Variants in NSMF observed in about 807,000 individuals in gnomAD.
NSMF encodes the protein nasal embryonic LHRH factor.
In NSMF, 31 loss-of-function variants were observed where a neutral mutation model predicts 71.0. That is an observed-to-expected ratio of 0.44 (90% CI 0.33 to 0.59). The LOEUF (loss-of-function observed/expected upper bound fraction) is 0.59, where lower values mean the gene tolerates loss of function less well. Ranked by LOEUF, NSMF falls within the 20% of genes least tolerant of loss-of-function variation. NSMF has a pLI of 0.04. For synonymous variants in NSMF, 345 were observed against 287.1 expected (o/e 1.20, Z -2.04); for missense variants, 673 against 740.5 (o/e 0.91, Z 1.06).
At position 137,459,081 on chromosome 9, in the gene NSMF, T is replaced by G. The variant is rs915747302; in HGVS notation, c.22A>C (p.Arg8=). 2.4e-6 allele frequency: 3 copies of G among 1,225,142 alleles called. No homozygotes were observed. Among genetic ancestry groups the G allele is most frequent in the Non-Finnish European group, 3.1e-6 (3 of 977,548 alleles). The allele number at this position is 1,225,142 out of a possible 1,614,324, so 75.9% of individuals were successfully genotyped here. A position where few individuals can be genotyped will look rare whatever the true frequency, so the allele number is the denominator to read the frequency against. Residue 8 remains arginine, a synonymous_variant, in exon 1 of 16, where the codon AGG becomes CGG. Coordinates refer to ENST00000371475, the MANE Select transcript of NSMF (RefSeq NM_001130969.3). ...ATGGCCTCGCTCCTCAGCGCCCTCC[T>G]CCTGGAGGCGGCGGCGCCCATGGTC... MGAAASR[R]RALRSEAMSS...
At chr9:137,458,122 G>A (rs910673559) in intron 2 of NSMF, among the ~76,000 whole-genome samples, 7 of 152,188 alleles carry the variant, frequency 4.6e-5, no homozygotes, top group Admixed American at 6.5e-5. Context: ...TGCTACCTGT[G>A]TGCGGTCCTG....
Position 137,449,275 on chromosome 9 carries a change from C to T in NSMF, c.*119G>A. On this transcript the variant is annotated 3_prime_UTR_variant, in exon 16 of 16. Coordinates refer to ENST00000371475, the MANE Select transcript of NSMF (RefSeq NM_001130969.3). Reference sequence around the variant, plus strand: ...GAACCTGAGCAACGTCTGAGGTGCCCTGAAGTGGCTCCAGGCGAGACCGGA... The same window carrying T: ...GAACCTGAGCAACGTCTGAGGTGCCTTGAAGTGGCTCCAGGCGAGACCGGA... The T allele has an allele frequency of 1.2e-6, 1 of 837,952 alleles. No individual in the cohort carries two copies. The highest frequency in any genetic ancestry group is 2.0e-6 in the Non-Finnish European group (1 of 507,700). 51.9% of individuals were successfully genotyped at this position (837,952 alleles called of 1,614,324 possible). A position where few individuals can be genotyped will look rare whatever the true frequency, so the allele number is the denominator to read the frequency against.
intron 6 of NSMF, 43 bp from the exon 7 acceptor site, chr9:137,454,486 G>T: frequency 6.5e-7 from 1 of 1,549,478 alleles, no homozygotes; most frequent in South Asian, 1.2e-5. Flanking sequence ...GTGAGAGGGT[G>T]ACGGCAGCCC....
chr9:137,450,452 C>T (rs565826899), intron 12 of NSMF, among the ~76,000 whole-genome samples, 197 bp from the exon 13 acceptor site: 6 of 102,256 alleles, frequency 5.9e-5, no homozygotes, highest in African/African-American at 2.5e-4. Flanking sequence ...CCCCCCACGC[C>T]TCTTCCCCTT....
At chr9:137,456,089 G>A (rs999003993) in intron 4 of NSMF, among the ~76,000 whole-genome samples, 1 of 152,246 alleles carries the variant, frequency 6.6e-6, no homozygotes, top group South Asian at 2.1e-4. Flanking sequence ...TGGGGTTTGA[G>A]GGAGGGCAGA....
In NSMF at chr9:137,449,124, G is replaced by A. The variant is rs902281498; in HGVS notation, c.*270C>T. 1.2e-5 allele frequency: 7 copies of A among 575,316 alleles called. No homozygotes were observed. The highest frequency in any genetic ancestry group is 2.2e-5 in the Non-Finnish European group (7 of 320,180). 35.6% of individuals were successfully genotyped at this position (575,316 alleles called of 1,614,324 possible). A position where few individuals can be genotyped will look rare whatever the true frequency, so the allele number is the denominator to read the frequency against. On this transcript the variant is annotated 3_prime_UTR_variant, in exon 16 of 16. Coordinates refer to ENST00000371475, the MANE Select transcript of NSMF (RefSeq NM_001130969.3). ...AGGGATGCCCACAGCTGAGCCTCCA[G>A]GCGAGGCATGGCAGGTCAGTGCCTG...
In NSMF at chr9:137,453,686, G is replaced by A. The variant is rs1320165642; in HGVS notation, c.922+45C>T. 1 of 1,503,114 alleles carries A rather than the reference G, an allele frequency of 6.7e-7. No homozygotes were observed. The highest frequency in any genetic ancestry group is 2.3e-5 in the East Asian group (1 of 43,168). The allele number at this position is 1,503,114 out of a possible 1,614,324, so 93.1% of individuals were successfully genotyped here. A position where few individuals can be genotyped will look rare whatever the true frequency, so the allele number is the denominator to read the frequency against. Reference sequence around the variant, plus strand: ...ACCCCCAGCAGGGGTCTGGGGTCTAGGGGAGGCTCTGGGGAAGGTGGGCGG... The same window carrying A: ...ACCCCCAGCAGGGGTCTGGGGTCTAAGGGAGGCTCTGGGGAAGGTGGGCGG... On this transcript the variant is annotated intron_variant, in intron 8 of 15. Transcript: ENST00000371475. The surrounding 1 kb of genome is among the most constrained non-coding windows in gnomAD (Gnocchi z 4.5).
chr9:137,455,498 G>C, intron 5 of NSMF, 131 bp downstream of exon 5: 1 of 1,237,460 alleles, frequency 8.1e-7, no homozygotes, highest in Non-Finnish European at 1.2e-6. Context: ...TGCCCGCTGG[G>C]AGCCAGGCCC....
chr9:137,459,161 G>T lies in NSMF; in HGVS notation c.-59C>A. On this transcript the variant is annotated 5_prime_UTR_variant, in exon 1 of 16. Coordinates refer to ENST00000371475, the MANE Select transcript of NSMF (RefSeq NM_001130969.3). ...AGCGCGCCCCGCGCCCGCCGCCTCC[G>T]CCGGGGTAGCCGCGCCGCACCGGGG... is the stretch of plus-strand genomic sequence containing the variant. The T allele has an allele frequency of 1.8e-6, 2 of 1,117,308 alleles. No homozygotes were observed. The highest frequency in any genetic ancestry group is 2.2e-6 in the Non-Finnish European group (2 of 908,716). 69.2% of individuals were successfully genotyped at this position (1,117,308 alleles called of 1,614,324 possible). A position where few individuals can be genotyped will look rare whatever the true frequency, so the allele number is the denominator to read the frequency against.
Position 137,458,520 on chromosome 9 carries a change from G to C in NSMF, c.101C>G (p.Ser34Cys). 6.3e-7 allele frequency: 1 copy of C among 1,599,036 alleles called. No homozygotes were observed. Among genetic ancestry groups the C allele is most frequent in the Non-Finnish European group, 8.5e-7 (1 of 1,174,636 alleles). ...GTTGCGGTTCTCAGGGTGACTCTGGGACAGGTACTCTCCAAACGCTCGGGC... is the reference window on the plus strand; with the variant it reads ...GTTGCGGTTCTCAGGGTGACTCTGGCACAGGTACTCTCCAAACGCTCGGGC... Reference protein sequence around the residue: ...RAARAFGEYLSQSHPENRNGA... With the variant: ...RAARAFGEYLCQSHPENRNGA... Residue 34 changes from serine to cysteine, a missense_variant, in exon 2 of 16, where the codon TCC becomes TGC. Transcript: ENST00000371475.
At chr9:137,452,208 C>A (rs1393687078) in intron 12 of NSMF, among the ~76,000 whole-genome samples, 157 bp downstream of exon 12, 1 of 120,998 alleles carries the variant, frequency 8.3e-6, no homozygotes, top group Admixed American at 8.3e-5. Flanking sequence ...ACCCCCACGC[C>A]TCTTCCCCTT....
At chr9:137,450,384 C>T (rs1830420215) in intron 12 of NSMF, 129 bp from the exon 13 acceptor site, 1 of 733,380 alleles carries the variant, frequency 1.4e-6, no homozygotes, top group East Asian at 2.6e-5. Context: ...CCTTGATCTC[C>T]CCCACCACAC....
chr9:137,452,822 G>A lies in NSMF; in HGVS notation c.1048-3C>T, dbSNP rs1321471431. 1.3e-6 allele frequency: 2 copies of A among 1,598,330 alleles called. No individual in the cohort carries two copies. Among genetic ancestry groups the A allele is most frequent in the South Asian group, 2.3e-5 (2 of 88,852 alleles). ...TTGGGCACCTTGGAGGAAATGAGCT[G>A]CGGAGACAAAGAGCTGCTCAGGGGC... is the stretch of plus-strand genomic sequence containing the variant. On this transcript the variant is annotated splice_polypyrimidine_tract_variant and splice_region_variant and intron_variant, in intron 9 of 15. Transcript: ENST00000371475.
chr9:137,452,688 G>A (rs749141042), intron 10 of NSMF, 48 bp downstream of exon 10: 4 of 1,601,738 alleles, frequency 2.5e-6, no homozygotes, highest in Admixed American at 3.4e-5. Context: ...GCCCAGGGTG[G>A]GGCCGCAAGA....
intron 3 of NSMF, among the ~76,000 whole-genome samples, chr9:137,456,860 A>C (rs538432716): frequency 1.3e-5 from 2 of 152,270 alleles, no homozygotes; most frequent in East Asian, 3.9e-4. Flanking sequence ...CCCATGCTCT[A>C]GCTGGAGGCC....
chr9:137,449,503 G>A lies in NSMF; in HGVS notation c.1496-12C>T, dbSNP rs369795515. The A allele has an allele frequency of 1.8e-5, 29 of 1,612,114 alleles. No individual in the cohort carries two copies. In the Middle Eastern group the frequency reaches 6.6e-4, roughly 37 times the overall value. On this transcript the variant is annotated splice_polypyrimidine_tract_variant and intron_variant, in intron 15 of 15. Transcript: ENST00000371475. ...GATCATCTGCTTCCCTGGGCGGAGC[G>A]GGGGCAGGAGGCTCAGGCCTGGCCG...
rs1210491141 is a variant in NSMF at position 137,453,258 on chromosome 9, G to C, written c.923-78C>G. 6.3e-7 allele frequency: 1 copy of C among 1,593,552 alleles called. No individual in the cohort carries two copies. Among genetic ancestry groups the C allele is most frequent in the Non-Finnish European group, 8.5e-7 (1 of 1,173,482 alleles). ...TGGCCATGGCCCCAAGGCCCACAGGGCCCGAAAGCCCCATCCCGGAGGGTC... is the reference window on the plus strand; with the variant it reads ...TGGCCATGGCCCCAAGGCCCACAGGCCCCGAAAGCCCCATCCCGGAGGGTC... On this transcript the variant is annotated intron_variant, in intron 8 of 15. Transcript: ENST00000371475. The surrounding 1 kb of genome is among the most constrained non-coding windows in gnomAD (Gnocchi z 4.5).
intron 14 of NSMF, 95 bp from the exon 15 acceptor site, chr9:137,449,769 A>G (rs1839820711): frequency 1.5e-6 from 2 of 1,328,524 alleles, no homozygotes; most frequent in Non-Finnish European, 2.1e-6. Flanking sequence ...CTTTTTTCAG[A>G]CCCCCCAAAC....
intron 6 of NSMF, chr9:137,454,736 C>T (rs1318409975): frequency 2.0e-6 from 3 of 1,476,490 alleles, no homozygotes; most frequent in Non-Finnish European, 1.8e-6. Context: ...CGTCCTCGCC[C>T]GGGACTTACG....
Sources: allele counts gnomAD v4.1 joint callset (sites outside exome capture counted in the v4.1 genomes callset), GRCh38; gene constraint gnomAD v4.1.1; non-coding constraint Gnocchi (gnomAD v3.1); transcripts MANE v1.5; gene names NCBI Gene and HGNC (gene_info 2026-07-23, HGNC 2026-07-21).